The following CFAP47 variants were observed in gnomAD, a reference collection of about 807,000 sequenced individuals.
CFAP47 encodes the protein cilia and flagella associated protein 47, also known as cilia- and flagella-associated protein 47.
CFAP47 carries 29 observed loss-of-function variants against 148.1 expected under a neutral mutation model. The observed-to-expected ratio is 0.20, with a 90% confidence interval of 0.15 to 0.27. The LOEUF is 0.27. Among genes scored for constraint, CFAP47 ranks in the 10% least tolerant of loss-of-function variants. CFAP47 has a pLI of 1.00. For missense variants in CFAP47, 1,872 were observed against 1,697.5 expected (o/e 1.10, Z -1.81); for synonymous variants, 664 against 577.3 (o/e 1.15, Z -2.15).
intron 33 of CFAP47, among the ~76,000 whole-genome samples, chrX:36,132,694 G>A (rs1474055903): frequency 8.9e-6 from 1 of 111,871 alleles, no homozygotes; most frequent in Non-Finnish European, 1.9e-5. Context: ...TTAGAGAAGA[G>A]CTTTGAAGTT....
chrX:36,217,491 G>A (rs781795817), intron 45 of CFAP47, among the ~76,000 whole-genome samples: 9 of 111,436 alleles, frequency 8.1e-5, no homozygotes, highest in Admixed American at 6.7e-4. Flanking sequence ...TCTTACTTTA[G>A]ATAACCCCAG....
At chrX:36,041,753 C>T (rs1186864788) in intron 25 of CFAP47, among the ~76,000 whole-genome samples, 3 of 109,761 alleles carry the variant, frequency 2.7e-5, no homozygotes, top group African/African-American at 9.9e-5. Flanking sequence ...GAAACCCCAT[C>T]TCTACTAAAA....
chrX:36,235,117 T>C (rs1477054893), intron 46 of CFAP47, among the ~76,000 whole-genome samples: 1 of 111,455 alleles, frequency 9.0e-6, no homozygotes, highest in Non-Finnish European at 1.9e-5. Flanking sequence ...TCTCCAGGTG[T>C]GTGCTGGGAG....
intron 49 of CFAP47, among the ~76,000 whole-genome samples, chrX:36,258,948 C>A (rs1940786528): frequency 8.9e-6 from 1 of 111,787 alleles, no homozygotes; most frequent in Admixed American, 9.5e-5. Flanking sequence ...CCAATATTAT[C>A]CTTCTCTAAC....
At chrX:35,949,417 A>G (rs1366203483) in intron 4 of CFAP47, among the ~76,000 whole-genome samples, 1 of 111,187 alleles carries the variant, frequency 9.0e-6, no homozygotes, top group African/African-American at 3.3e-5. Flanking sequence ...AATTACAGTA[A>G]AGCAAGAGGA....
chrX:35,972,164 C>T (rs143619414), intron 13 of CFAP47, among the ~76,000 whole-genome samples, 199 bp downstream of exon 13: 1,906 of 111,734 alleles, frequency 0.017, 45 homozygotes, highest in African/African-American at 0.059. Context: ...TAACCACCTT[C>T]GCAATTTAAT....
At chrX:36,051,475 G>T (rs996411078) in intron 26 of CFAP47, among the ~76,000 whole-genome samples, 14 of 111,728 alleles carry the variant, frequency 1.3e-4, no homozygotes. Context: ...TTTAAGATTT[G>T]CCTGCCCTGC....
intron 26 of CFAP47, among the ~76,000 whole-genome samples, chrX:36,063,474 G>A (rs1486297925): frequency 9.0e-6 from 1 of 111,399 alleles, no homozygotes; most frequent in Non-Finnish European, 1.9e-5. Flanking sequence ...GGTCAAGTCA[G>A]TTTTGTATAT....
Position 35,965,359 on chromosome X carries a change from C to T in CFAP47, c.1411-1206C>T, listed in dbSNP as rs748664033. Reference sequence around the variant, plus strand: ...ATATTCTGTCAAGTAGTTTACAACTCTTTCTAGACTTTAATTCTTCCTTGT... The same window carrying T: ...ATATTCTGTCAAGTAGTTTACAACTTTTTCTAGACTTTAATTCTTCCTTGT... On this transcript the variant is annotated intron_variant, in intron 8 of 63. Coordinates refer to ENST00000378653, the MANE Select transcript of CFAP47 (RefSeq NM_001304548.2). 4.2e-3 allele frequency among the ~76,000 whole-genome samples: 464 copies of T among 111,234 alleles called. 1 individual carries two copies. Among genetic ancestry groups the T allele is most frequent in the African/African-American group, 0.013 (415 of 30,741 alleles).
chrX:35,971,562 T>G, intron 11 of CFAP47, 24 bp from the exon 12 acceptor site: 2 of 939,240 alleles, frequency 2.1e-6, no homozygotes, highest in Non-Finnish European at 2.9e-6. Flanking sequence ...CAATTACTGA[T>G]TATTATTATT....
At chrX:36,348,366 T>G in intron 58 of CFAP47, 78 bp downstream of exon 58, 1 of 489,513 alleles carries the variant, frequency 2.0e-6, no homozygotes, top group Non-Finnish European at 3.0e-6. Flanking sequence ...CTTTTACATG[T>G]TATACATATA....
At chrX:36,015,344 A>T (rs776143445) in intron 22 of CFAP47, among the ~76,000 whole-genome samples, 168 of 111,198 alleles carry the variant, frequency 1.5e-3, no homozygotes, top group African/African-American at 5.2e-3. Context: ...TATTTTAGAA[A>T]TTTGAAAGTT....
At chrX:36,228,053 T>G (rs1940291261) in intron 45 of CFAP47, among the ~76,000 whole-genome samples, 1 of 111,519 alleles carries the variant, frequency 9.0e-6, no homozygotes, top group South Asian at 3.7e-4. Context: ...GTTCCCTTGG[T>G]TATTAGCTAT....
At position 36,350,659 on chromosome X, in the gene CFAP47, G is replaced by A. The variant is rs1052916032; in HGVS notation, c.8698+527G>A. Among the ~76,000 whole-genome samples the A allele has an allele frequency of 5.0e-4, 54 of 108,197 alleles. 1 individual carries two copies. Among genetic ancestry groups the A allele is most frequent in the Admixed American group, 2.0e-4 (2 of 9,853 alleles). The allele number at this position is 108,197 out of a possible 115,157, so 94.0% of individuals were successfully genotyped here. ...ATCTCTGCCCTTAAATGCCTTTCTT[G>A]TTCTCTTTGACCTTTATTATTATTA... On this transcript the variant is annotated intron_variant, in intron 59 of 63. Transcript: ENST00000378653.
chrX:35,986,838 T>C (rs926772378), intron 15 of CFAP47, among the ~76,000 whole-genome samples: 1 of 111,757 alleles, frequency 8.9e-6, no homozygotes, highest in Non-Finnish European at 1.9e-5. Context: ...GCTTTCTGTT[T>C]GTTAGTTTTC....
intron 1 of CFAP47, among the ~76,000 whole-genome samples, chrX:35,924,343 G>A (rs1425853734): frequency 9.5e-6 from 1 of 105,782 alleles, no homozygotes; most frequent in Non-Finnish European, 1.9e-5. Context: ...GTACATATAT[G>A]TGTGCATATG....
intron 59 of CFAP47, among the ~76,000 whole-genome samples, chrX:36,352,479 G>A (rs1166447153): frequency 9.1e-6 from 1 of 110,293 alleles, no homozygotes; most frequent in African/African-American, 3.3e-5. Flanking sequence ...ATACATCTGA[G>A]GACATCATCT....
At chrX:36,335,599 T>A (rs1187905468) in intron 57 of CFAP47, among the ~76,000 whole-genome samples, 2 of 111,724 alleles carry the variant, frequency 1.8e-5, no homozygotes, top group African/African-American at 6.5e-5. Context: ...GTGTAGTGAG[T>A]TTCCACTCTG....
rs202019295 is a variant in CFAP47 at position 35,948,282 on chromosome X, A to G, written c.518-32A>G. The G allele has an allele frequency of 2.6e-6, 3 of 1,160,920 alleles. No homozygotes were observed. The African/African-American group carries it at 5.3e-5, about 21-fold the overall frequency. ...TGTACATGCAACATTGTAAGGGTCC[A>G]GATGTAAATCAACTGCTCTTATTCC... On this transcript the variant is annotated intron_variant, in intron 3 of 63. Coordinates refer to ENST00000378653, the MANE Select transcript of CFAP47 (RefSeq NM_001304548.2).
Sources: gnomAD v4.1 joint callset for allele counts (sites outside exome capture counted in the v4.1 genomes callset) on GRCh38, gnomAD v4.1.1 for gene constraint, MANE v1.5 for transcripts, NCBI Gene and HGNC (gene_info 2026-07-23, HGNC 2026-07-21) for gene names.